The following PRIMPOL variants were observed in gnomAD, a reference collection of about 807,000 sequenced individuals.
PRIMPOL encodes the protein DNA-directed primase/polymerase protein.
In PRIMPOL, 54 loss-of-function variants were observed where a neutral mutation model predicts 63.6. The observed-to-expected ratio is 0.85, with a 90% confidence interval of 0.68 to 1.07. PRIMPOL has a LOEUF of 1.07. Among genes scored for constraint, PRIMPOL ranks in the 50% least tolerant of loss-of-function variants. The pLI, the probability that PRIMPOL is intolerant of heterozygous loss-of-function variation, is 0.00. For synonymous variants in PRIMPOL, 197 were observed against 220.2 expected (o/e 0.89, Z 0.93); for missense variants, 610 against 648.3 (o/e 0.94, Z 0.64).
At chr4:184,671,597 G>A (rs1381522910) in intron 6 of PRIMPOL, among the ~76,000 whole-genome samples, 2 of 152,082 alleles carry the variant, frequency 1.3e-5, no homozygotes, top group South Asian at 4.1e-4. Context: ...CAGCATTGAC[G>A]CATCTTCTCA....
chr4:184,685,911 C>T (rs1193160495), intron 11 of PRIMPOL, among the ~76,000 whole-genome samples: 1 of 152,112 alleles, frequency 6.6e-6, no homozygotes, highest in Non-Finnish European at 1.5e-5. Flanking sequence ...TAGCAATTCT[C>T]CTGCCTCAGC....
chr4:184,692,595 C>A (rs1759034618), intron 13 of PRIMPOL, among the ~76,000 whole-genome samples: 1 of 151,678 alleles, frequency 6.6e-6, no homozygotes, highest in East Asian at 1.9e-4. Context: ...TTGGCACGTA[C>A]CTTCGAGAAT....
At chr4:184,681,264 G>A (rs1370203030) in intron 8 of PRIMPOL, among the ~76,000 whole-genome samples, 1 of 151,568 alleles carries the variant, frequency 6.6e-6, no homozygotes, top group Middle Eastern at 3.2e-3. Context: ...CTTCCTATAA[G>A]TCACACCTCT....
intron 8 of PRIMPOL, among the ~76,000 whole-genome samples, chr4:184,681,317 T>C (rs1755559444): frequency 6.6e-6 from 1 of 152,136 alleles, no homozygotes; most frequent in Non-Finnish European, 1.5e-5. Flanking sequence ...TTGTGTTTGG[T>C]GAATAGAGTT....
At chr4:184,672,802 A>C (rs1204302669) in intron 7 of PRIMPOL, among the ~76,000 whole-genome samples, 1 of 152,150 alleles carries the variant, frequency 6.6e-6, no homozygotes, top group Non-Finnish European at 1.5e-5. Context: ...AATTTAAAAA[A>C]CAGACTCGGT....
chr4:184,673,273 G>A (rs922566761), intron 7 of PRIMPOL, among the ~76,000 whole-genome samples: 1 of 151,506 alleles, frequency 6.6e-6, no homozygotes, highest in African/African-American at 2.4e-5. Flanking sequence ...GGGACTACAG[G>A]CGCCCGCCAC....
intron 9 of PRIMPOL, among the ~76,000 whole-genome samples, chr4:184,684,210 C>A (rs1264437799): frequency 6.6e-6 from 1 of 152,130 alleles, no homozygotes; most frequent in Non-Finnish European, 1.5e-5. Flanking sequence ...GTAATCCCAG[C>A]ACTTTGGGAG....
At chr4:184,688,808 T>C (rs149989297) in intron 11 of PRIMPOL, among the ~76,000 whole-genome samples, 1 of 152,304 alleles carries the variant, frequency 6.6e-6, no homozygotes, top group East Asian at 1.9e-4. Context: ...CTCCTAGCGT[T>C]TGGTCCAGAC....
chr4:184,667,611 A>G (rs191328106), intron 6 of PRIMPOL, among the ~76,000 whole-genome samples: 1 of 152,268 alleles, frequency 6.6e-6, no homozygotes, highest in East Asian at 1.9e-4. Context: ...TGCCTGGCCG[A>G]AAGTGAGACT....
chr4:184,675,036 G>A (rs993230120), intron 7 of PRIMPOL, among the ~76,000 whole-genome samples: 1 of 152,202 alleles, frequency 6.6e-6, no homozygotes, highest in Non-Finnish European at 1.5e-5. Flanking sequence ...AAATATGTGA[G>A]AACTGCAAGG....
intron 5 of PRIMPOL, among the ~76,000 whole-genome samples, chr4:184,665,078 T>C (rs1749474473): frequency 6.6e-6 from 1 of 152,226 alleles, no homozygotes. Context: ...GTCAAGATAA[T>C]ATTGCATGGT....
intron 8 of PRIMPOL, among the ~76,000 whole-genome samples, chr4:184,681,090 A>G (rs1561053093): frequency 6.6e-6 from 1 of 152,196 alleles, no homozygotes; most frequent in Non-Finnish European, 1.5e-5. Flanking sequence ...GGGTTCTTCT[A>G]CTGAATACAG....
chr4:184,679,654 G>A (rs1295039217), intron 8 of PRIMPOL, among the ~76,000 whole-genome samples: 3 of 152,140 alleles, frequency 2.0e-5, no homozygotes, highest in African/African-American at 4.8e-5. Flanking sequence ...GGTCTGTGGT[G>A]GGAACTGGAC....
At position 184,694,770 on chromosome 4, in the gene PRIMPOL, A is replaced by G. The variant is rs1279049604; in HGVS notation, c.1674A>G (p.Leu558=). 2.5e-6 allele frequency: 4 copies of G among 1,607,998 alleles called. No individual in the cohort carries two copies. In the East Asian group the frequency reaches 8.9e-5, roughly 36 times the overall value. ...EIPDELIIEV[L]QE ...CTGATGAACTAATTATAGAAGTATT[A>G]CAAGAGTAACTAATTCACTATGAAC... Residue 558 remains leucine, a synonymous_variant, in exon 14 of 14, where the codon TTA becomes TTG. Transcript: ENST00000314970.
chr4:184,691,240 A>T, intron 11 of PRIMPOL: 1 of 341,634 alleles, frequency 2.9e-6, no homozygotes, highest in South Asian at 8.7e-5. Flanking sequence ...CAGCTGTATT[A>T]TTTGGTGAGT....
At position 184,652,833 on chromosome 4, in the gene PRIMPOL, C is replaced by T. The variant is rs542400793; in HGVS notation, c.-60+733C>T. ...TTTGGAGTTGGGGAATAGGAATTGA[C>T]CAGTGATGAGAAAAAAAGAAAAAAG... On this transcript the variant is annotated intron_variant, in intron 2 of 13. Transcript: ENST00000314970. Among the ~76,000 whole-genome samples, 107 of 143,736 alleles carry T rather than the reference C, an allele frequency of 7.4e-4. 1 individual carries two copies. The highest frequency in any genetic ancestry group is 2.7e-3 in the African/African-American group (105 of 38,358). The allele number at this position is 143,736 out of a possible 152,430, so 94.3% of individuals were successfully genotyped here. A position where few individuals can be genotyped will look rare whatever the true frequency, so the allele number is the denominator to read the frequency against.
intron 5 of PRIMPOL, among the ~76,000 whole-genome samples, chr4:184,664,370 G>C (rs972041006): frequency 5.3e-5 from 8 of 152,222 alleles, no homozygotes. Flanking sequence ...GTCTAATGGA[G>C]GATAATACGT....
intron 4 of PRIMPOL, among the ~76,000 whole-genome samples, 176 bp from the exon 5 acceptor site, chr4:184,661,598 C>G (rs1016970252): frequency 5.3e-5 from 8 of 151,806 alleles, no homozygotes. Flanking sequence ...CCCAGCTACT[C>G]GGGAGGCTGA....
intron 9 of PRIMPOL, among the ~76,000 whole-genome samples, chr4:184,683,307 G>C (rs61165411): frequency 0.029 from 4,371 of 151,552 alleles, 217 homozygotes; most frequent in African/African-American, 0.1. Context: ...CCTGTAATCC[G>C]AGCTACTCAG....
Sources: gnomAD v4.1 joint callset for allele counts (sites outside exome capture counted in the v4.1 genomes callset) on GRCh38, gnomAD v4.1.1 for gene constraint, MANE v1.5 for transcripts, NCBI Gene and HGNC (gene_info 2026-07-23, HGNC 2026-07-21) for gene names.